ERAP1: variants seen among roughly 807,000 people sequenced by gnomAD.
ERAP1 encodes adipocyte-derived leucine aminopeptidase.
ERAP1 carries 86 observed loss-of-function variants against 103.7 expected under a neutral mutation model. That is an observed-to-expected ratio of 0.83 (90% CI 0.70 to 0.99). The LOEUF (loss-of-function observed/expected upper bound fraction) is 0.99, where lower values mean the gene tolerates loss of function less well. Ranked by LOEUF, ERAP1 falls within the 50% of genes least tolerant of loss-of-function variation. The pLI, the probability that ERAP1 is intolerant of heterozygous loss-of-function variation, is 0.00. For synonymous variants in ERAP1, 398 were observed against 402.4 expected (o/e 0.99, Z 0.13); for missense variants, 1,009 against 1,128.4 (o/e 0.89, Z 1.52).
intron 8 of ERAP1, among the ~76,000 whole-genome samples, chr5:96,790,922 C>G (rs956446169): frequency 6.6e-6 from 1 of 152,226 alleles, no homozygotes; most frequent in Non-Finnish European, 1.5e-5. Context: ...CATCTGCCAA[C>G]TCCCTTTGTT....
At position 96,797,261 on chromosome 5, in the gene ERAP1, C is replaced by T. The variant is rs1470403380; in HGVS notation, c.712G>A (p.Val238Ile). 1.9e-6 allele frequency: 3 copies of T among 1,614,036 alleles called. No individual in the cohort carries two copies. Among genetic ancestry groups the T allele is most frequent in the South Asian group, 1.1e-5 (1 of 91,092 alleles). ...AGATAGGTGCTCATCTTCACAGTGA[C>T]ATCAAAATGGTCTTCTATGAGTCCT... ...AEGLIEDHFD[V>I]TVKMSTYLVA... The change falls in exon 4 of 19, where the codon GTC becomes ATC. Residue 238 changes from valine (V) to isoleucine (I), a missense_variant. By Grantham distance (29) the Val-to-Ile change is conservative (BLOSUM62 3). Around this residue, in one of 3 missense-constraint regions of ERAP1, gnomAD observed 392 missense variants for 455.2 expected, o/e 0.86. Coordinates refer to ENST00000443439, the MANE Select transcript of ERAP1 (RefSeq NM_001040458.3).
chr5:96,887,023 G>A, the ERAP1 span, among the ~76,000 whole-genome samples: 3 of 148,586 alleles, frequency 2.0e-5, no homozygotes, highest in Admixed American at 2.0e-4. Flanking sequence ...ATATATGGGT[G>A]TACATAGTAA....
At chr5:96,782,427 G>C (rs1193885667) in intron 15 of ERAP1, among the ~76,000 whole-genome samples, 1 of 152,196 alleles carries the variant, frequency 6.6e-6, no homozygotes, top group African/African-American at 2.4e-5. Context: ...ATACTTTAAT[G>C]ATGCTGGGTG....
the ERAP1 span, among the ~76,000 whole-genome samples, chr5:96,820,245 A>C: frequency 2.0e-5 from 3 of 152,228 alleles, no homozygotes; most frequent in Admixed American, 2.0e-4. Context: ...CTAACTAATC[A>C]GCATTTGCTT....
In ERAP1 at chr5:96,778,141, T is replaced by G. The variant is rs78628096; in HGVS notation, c.2671-1590A>C. ...CATCCATTTGTTCACCAATATTTAC[T>G]CTGATATTTATTCATCCCTCTGCTG... On this transcript the variant is annotated intron_variant, in intron 18 of 18. Transcript: ENST00000443439. 5.8e-3 allele frequency among the ~76,000 whole-genome samples: 881 copies of G among 152,334 alleles called. 8 individuals carry two copies. The highest frequency in any genetic ancestry group is 0.02 in the African/African-American group (843 of 41,580).
At chr5:96,895,431 GAAT>G in the ERAP1 span, 1 of 1,109,490 alleles carries the variant, frequency 9.0e-7, no homozygotes, top group Non-Finnish European at 1.3e-6. Context: ...AATTTCAAGT[GAAT>G]GTTAAACAGA....
chr5:96,914,470 T>A, the ERAP1 span, among the ~76,000 whole-genome samples: 1 of 152,234 alleles, frequency 6.6e-6, no homozygotes, highest in Non-Finnish European at 1.5e-5. Flanking sequence ...TGTATGTTTG[T>A]GTATGTTTCC....
intron 18 of ERAP1, among the ~76,000 whole-genome samples, chr5:96,777,640 C>T (rs982961281): frequency 2.6e-5 from 4 of 152,190 alleles, no homozygotes; most frequent in African/African-American, 4.8e-5. Context: ...CTGTTTCATA[C>T]GCTCTCAGAA....
the ERAP1 span, among the ~76,000 whole-genome samples, chr5:96,849,998 C>T: frequency 6.6e-6 from 1 of 152,066 alleles, no homozygotes; most frequent in African/African-American, 2.4e-5. Flanking sequence ...GCCAAGAACA[C>T]ACAATGAGTG....
the ERAP1 span, among the ~76,000 whole-genome samples, chr5:96,924,959 G>A: frequency 6.6e-6 from 1 of 152,134 alleles, no homozygotes; most frequent in Non-Finnish European, 1.5e-5. Context: ...GGCTGTGATT[G>A]CTTTTTATGG....
chr5:96,781,878 G>A, intron 15 of ERAP1, 24 bp from the exon 16 acceptor site: 1 of 1,612,104 alleles, frequency 6.2e-7, no homozygotes, highest in Non-Finnish European at 8.5e-7. Flanking sequence ...CACACTCGGT[G>A]AGAATCTGAG....
the ERAP1 span, chr5:96,892,434 C>G: frequency 6.2e-7 from 1 of 1,613,976 alleles, no homozygotes; most frequent in East Asian, 2.2e-5. Context: ...AGAGTCATAG[C>G]CCATGAACTG....
the ERAP1 span, among the ~76,000 whole-genome samples, chr5:96,901,892 T>C: frequency 4.9e-3 from 750 of 152,344 alleles, 12 homozygotes; most frequent in African/African-American, 0.017. Context: ...CCATCAGCCT[T>C]GAGAACTTCA....
chr5:96,789,830 T>A (rs72773947), intron 10 of ERAP1, among the ~76,000 whole-genome samples: 13,952 of 152,262 alleles, frequency 0.092, 846 homozygotes, highest in Middle Eastern at 0.16. Context: ...AAAATAGGGA[T>A]AGTAATAGTA....
At chr5:96,916,801 C>T in the ERAP1 span, among the ~76,000 whole-genome samples, 2 of 150,628 alleles carry the variant, frequency 1.3e-5, no homozygotes, top group Non-Finnish European at 3.0e-5. Flanking sequence ...GTCTTTGCAC[C>T]TTCTTTTCAC....
chr5:96,835,739 C>T, the ERAP1 span, among the ~76,000 whole-genome samples: 1 of 152,202 alleles, frequency 6.6e-6, no homozygotes, highest in African/African-American at 2.4e-5. Flanking sequence ...AGTACGAAGG[C>T]TCACAAGTCG....
At chr5:96,880,596 G>A in the ERAP1 span, among the ~76,000 whole-genome samples, 1 of 152,224 alleles carries the variant, frequency 6.6e-6, no homozygotes, top group Non-Finnish European at 1.5e-5. Context: ...GTCTTCATCT[G>A]GGACCAGAAG....
the ERAP1 span, among the ~76,000 whole-genome samples, chr5:96,928,739 T>C: frequency 6.6e-6 from 1 of 152,174 alleles, no homozygotes; most frequent in Non-Finnish European, 1.5e-5. Flanking sequence ...GAGCTCCCCA[T>C]CCATGTCTAC....
At chr5:96,783,263 A>G in intron 14 of ERAP1, 28 bp from the exon 15 acceptor site, 1 of 1,592,706 alleles carries the variant, frequency 6.3e-7, no homozygotes, top group Non-Finnish European at 8.6e-7. Flanking sequence ...GGAAACAGGG[A>G]CCAGTATTGT....
Sources: allele counts gnomAD v4.1 joint callset (sites outside exome capture counted in the v4.1 genomes callset), GRCh38; gene constraint gnomAD v4.1.1; regional missense constraint gnomAD v4.1.1; transcripts MANE v1.5; gene names NCBI Gene and HGNC (gene_info 2026-07-23, HGNC 2026-07-21).